Variants in WDR26 observed in about 807,000 individuals in gnomAD.
WDR26 encodes the protein WD repeat-containing protein 26.
In WDR26, 5 loss-of-function variants were observed where a neutral mutation model predicts 84.1. The observed-to-expected ratio is 0.06, with a 90% CI of 0.03 to 0.13. The LOEUF (loss-of-function observed/expected upper bound fraction) is 0.13. Ranked by LOEUF, WDR26 falls within the 10% of genes least tolerant of loss-of-function variation. The probability of loss-of-function intolerance (pLI) is 1.00; values close to 1 mark genes in which losing one functional copy is unlikely to be tolerated. For missense variants in WDR26, 642 were observed against 974.9 expected, an observed-to-expected ratio of 0.66 and a Z score of 4.55; for synonymous variants, 415 against 389.6, an observed-to-expected ratio of 1.07 and a Z score of -0.77.
chr1:224,392,239 T>C (rs1673148426), intron 13 of WDR26, among the ~76,000 whole-genome samples: 1 of 151,836 alleles, frequency 6.6e-6, no homozygotes. Context: ...TGGGTGCCTG[T>C]AGTCCCAGCT....
chr1:224,403,361 T>C (rs577447546), intron 8 of WDR26, among the ~76,000 whole-genome samples: 11 of 152,310 alleles, frequency 7.2e-5, no homozygotes, highest in African/African-American at 2.4e-4. Context: ...CAAATGCATG[T>C]TTCTATGCAT....
chr1:224,410,981 C>T (rs560128642), intron 7 of WDR26, among the ~76,000 whole-genome samples: 88 of 152,042 alleles, frequency 5.8e-4, no homozygotes, highest in Non-Finnish European at 1.1e-3. Flanking sequence ...CATGAGCCAC[C>T]GTGCCTGGCC....
intron 7 of WDR26, among the ~76,000 whole-genome samples, chr1:224,407,751 C>T (rs1673623731): frequency 6.6e-6 from 1 of 152,004 alleles, no homozygotes; most frequent in Non-Finnish European, 1.5e-5. Context: ...TCAGGTGACT[C>T]ACCTGCCTCG....
intron 3 of WDR26, among the ~76,000 whole-genome samples, chr1:224,426,658 A>G (rs1266146091): frequency 9.3e-5 from 14 of 150,300 alleles, no homozygotes; most frequent in Admixed American, 7.2e-4. Context: ...ACCAAAAACT[A>G]AACAATGCAA....
intron 12 of WDR26, among the ~76,000 whole-genome samples, chr1:224,397,157 AT>A (rs1572161558): frequency 2.6e-5 from 4 of 152,028 alleles, no homozygotes; most frequent in South Asian, 4.1e-4. Flanking sequence ...TTCAGTATAT[AT>A]TTTTTTACTT....
rs1171927703 is a variant in WDR26 at position 224,388,855 on chromosome 1, C to G, written c.*980G>C. The G allele has an allele frequency of 6.6e-6, 1 of 152,630 alleles. No individual in the cohort carries two copies. The highest frequency in any genetic ancestry group is 1.5e-5 in the Non-Finnish European group (1 of 68,032). The allele number at this position is 152,630 out of a possible 1,614,324, so 9.5% of individuals were successfully genotyped here. ...TGGAACAAGCTTTACTGAAAACCAA[C>G]TGACTACTGATGTCTCATGTTGGTG... On this transcript the variant is annotated 3_prime_UTR_variant, in exon 14 of 14. Transcript: ENST00000414423.
At position 224,413,207 on chromosome 1, in the gene WDR26, A is replaced by C. The variant is rs1169509944; in HGVS notation, c.1320-1642T>G. 1.3e-4 allele frequency: 85 copies of C among 645,334 alleles called. No homozygotes were observed. The African/African-American group carries it at 1.4e-3, about 11-fold the overall frequency. 40.0% of individuals were successfully genotyped at this position (645,334 alleles called of 1,614,324 possible). ...GTCTCAAACAACAACAACAACAAAA[A>C]CCCCCCCCCCCAAAAAAAACGTTAT... On this transcript the variant is annotated intron_variant, in intron 6 of 13. Transcript: ENST00000414423.
At chr1:224,408,629 CA>C (rs1346390330) in intron 7 of WDR26, among the ~76,000 whole-genome samples, 7 of 110,512 alleles carry the variant, frequency 6.3e-5, no homozygotes, top group Non-Finnish European at 1.1e-4. Flanking sequence ...TTACTCATCC[CA>C]TTCTTTTTTT....
intron 3 of WDR26, chr1:224,429,644 T>C (rs1674328926): frequency 6.6e-6 from 1 of 152,210 alleles, no homozygotes; most frequent in Non-Finnish European, 1.5e-5. Flanking sequence ...TTTCTTTTTA[T>C]AAATACCTAA....
intron 12 of WDR26, among the ~76,000 whole-genome samples, chr1:224,396,532 C>G (rs189350312): frequency 6.6e-6 from 1 of 152,280 alleles, no homozygotes; most frequent in African/African-American, 2.4e-5. Context: ...AAACAAAAAG[C>G]CAATAGAGAA....
At chr1:224,420,081 A>C (rs1007896928) in intron 4 of WDR26, among the ~76,000 whole-genome samples, 1 of 152,226 alleles carries the variant, frequency 6.6e-6, no homozygotes, top group Non-Finnish European at 1.5e-5. Context: ...TAACTTAACT[A>C]CTTCTGAATA....
Position 224,434,283 on chromosome 1 carries a change from C to T in WDR26, c.123G>A (p.Glu41=), listed in dbSNP as rs984488593. The T allele has an allele frequency of 1.6e-6, 2 of 1,243,750 alleles. No individual in the cohort carries two copies. The highest frequency in any genetic ancestry group is 1.6e-5 in the African/African-American group (1 of 64,252). The allele number at this position is 1,243,750 out of a possible 1,614,324, so 77.0% of individuals were successfully genotyped here. A position where few individuals can be genotyped will look rare whatever the true frequency, so the allele number is the denominator to read the frequency against. ...CTGCTCTGCCTGCCGAAGCCCCGGG[C>T]TCTCCTACTCCCTCCGCCGCCGAGG... is the stretch of plus-strand genomic sequence containing the variant. The change falls in exon 1 of 14, where the codon GAG becomes GAA. Residue 41 remains glutamate (E), a synonymous_variant. Transcript: ENST00000414423.
chr1:224,398,635 G>A, intron 10 of WDR26, 42 bp from the exon 11 acceptor site: 2 of 1,513,436 alleles, frequency 1.3e-6, no homozygotes, highest in Non-Finnish European at 1.8e-6. Context: ...CATATTAACA[G>A]TCAAGACATT....
chr1:224,409,855 A>G (rs1673684834), intron 7 of WDR26, among the ~76,000 whole-genome samples: 1 of 151,178 alleles, frequency 6.6e-6, no homozygotes. Flanking sequence ...ATAGTGAGAT[A>G]CTGTCTCAGA....
intron 6 of WDR26, among the ~76,000 whole-genome samples, chr1:224,417,851 A>C (rs1404970077): frequency 6.6e-6 from 1 of 152,236 alleles, no homozygotes; most frequent in African/African-American, 2.4e-5. Context: ...ATGGGTACAC[A>C]TGGTAAAAAA....
intron 6 of WDR26, among the ~76,000 whole-genome samples, chr1:224,411,853 G>A (rs1468488131): frequency 6.6e-6 from 1 of 152,068 alleles, no homozygotes; most frequent in African/African-American, 2.4e-5. Context: ...CCACAGACCT[G>A]TGACACCAGG....
At chr1:224,417,393 T>A (rs968991221) in intron 6 of WDR26, among the ~76,000 whole-genome samples, 2 of 152,232 alleles carry the variant, frequency 1.3e-5, no homozygotes, top group African/African-American at 4.8e-5. Flanking sequence ...AATTTGTTAT[T>A]CGATATCTTA....
At chr1:224,407,148 AAAAATAT>A (rs1450277641) in intron 7 of WDR26, among the ~76,000 whole-genome samples, 5 of 66,786 alleles carry the variant, frequency 7.5e-5, no homozygotes, top group African/African-American at 2.7e-4. Context: ...AAAAAAAAAA[AAAAATAT>A]ATATATATAT....
At chr1:224,412,545 TTATA>T (rs1383572032) in intron 6 of WDR26, among the ~76,000 whole-genome samples, 1 of 152,208 alleles carries the variant, frequency 6.6e-6, no homozygotes. Context: ...GCAGCTAATA[TTATA>T]TATCAAGGGC....
Sources: allele counts gnomAD v4.1 joint callset (sites outside exome capture counted in the v4.1 genomes callset), GRCh38; gene constraint gnomAD v4.1.1; transcripts MANE v1.5; gene names NCBI Gene and HGNC (gene_info 2026-07-23, HGNC 2026-07-21).